SNX29: variants seen among roughly 807,000 people sequenced by gnomAD.
The protein encoded by SNX29 is sorting nexin-29.
A neutral mutation model predicts 102.1 loss-of-function variants in SNX29; 78 were observed. That is an observed-to-expected ratio of 0.76 (90% CI 0.64 to 0.92). The LOEUF (loss-of-function observed/expected upper bound fraction) is 0.92, where lower values mean the gene tolerates loss of function less well. Ranked by LOEUF, SNX29 falls within the 40% of genes least tolerant of loss-of-function variation. The probability of loss-of-function intolerance (pLI) is 0.00; values close to 1 mark genes in which losing one functional copy is unlikely to be tolerated. For missense variants in SNX29, 1,280 were observed against 1,061.7 expected, an observed-to-expected ratio of 1.21 and a Z score of -2.86; for synonymous variants, 580 against 414.5, an observed-to-expected ratio of 1.40 and a Z score of -4.85.
chr16:12,568,965 C>T lies in SNX29; in HGVS notation c.*336C>T, dbSNP rs146543361. The T allele has an allele frequency of 3.4e-3, 1,220 of 363,370 alleles. 14 individuals are homozygous for T. The highest frequency in any genetic ancestry group is 0.023 in the African/African-American group (1,106 of 48,836). 22.5% of individuals were successfully genotyped at this position (363,370 alleles called of 1,614,324 possible). On this transcript the variant is annotated 3_prime_UTR_variant, in exon 21 of 21. Coordinates refer to ENST00000566228, the MANE Select transcript of SNX29 (RefSeq NM_032167.5). ...GGTGGGCACCAGGTCAGGCTGGGTGCGCCATGGTTGAGAGGCAAAGGTGAT... is the reference window on the plus strand; with the variant it reads ...GGTGGGCACCAGGTCAGGCTGGGTGTGCCATGGTTGAGAGGCAAAGGTGAT...
intron 3 of SNX29, among the ~76,000 whole-genome samples, chr16:12,005,218 A>G (rs2056414382): frequency 6.6e-6 from 1 of 152,222 alleles, no homozygotes; most frequent in East Asian, 1.9e-4. Flanking sequence ...TGATTGATCA[A>G]TTTAGTCCTT....
chr16:11,997,480 CTT>C (rs55693728), intron 1 of SNX29, among the ~76,000 whole-genome samples: 46 of 143,968 alleles, frequency 3.2e-4, no homozygotes, highest in Middle Eastern at 3.6e-3. Context: ...TACATTTATA[CTT>C]TTTTTTTTTT....
At chr16:12,106,575 T>C (rs904252377) in intron 11 of SNX29, among the ~76,000 whole-genome samples, 8 of 151,148 alleles carry the variant, frequency 5.3e-5, no homozygotes, top group Non-Finnish European at 1.0e-4. Context: ...CCGGTCTCAA[T>C]TGATCCTCCT....
chr16:12,144,981 AAAGTGCTGGG>A (rs1173236712), intron 13 of SNX29, among the ~76,000 whole-genome samples: 1 of 152,210 alleles, frequency 6.6e-6, no homozygotes, highest in Non-Finnish European at 1.5e-5. Flanking sequence ...TCGGCCTCCC[AAAGTGCTGGG>A]ATTACAGGCG....
chr16:12,329,075 C>G (rs2081214094), intron 15 of SNX29, among the ~76,000 whole-genome samples: 1 of 151,576 alleles, frequency 6.6e-6, no homozygotes, highest in East Asian at 1.9e-4. Flanking sequence ...AGTTCAAGAC[C>G]AGCTTAGGCA....
At chr16:12,110,611 C>T (rs1025906428) in intron 11 of SNX29, among the ~76,000 whole-genome samples, 3 of 152,054 alleles carry the variant, frequency 2.0e-5, no homozygotes, top group African/African-American at 7.2e-5. Context: ...GTTGGGCTTG[C>T]GGTGAGACAA....
chr16:12,508,690 G>A (rs1451364945), intron 19 of SNX29, among the ~76,000 whole-genome samples: 2 of 152,336 alleles, frequency 1.3e-5, no homozygotes, highest in South Asian at 4.1e-4. Flanking sequence ...GGCCATTGCA[G>A]TATGGAATTG....
intron 16 of SNX29, chr16:12,373,810 C>T (rs1469101604): frequency 6.6e-6 from 1 of 152,224 alleles, no homozygotes; most frequent in African/African-American, 2.4e-5. Flanking sequence ...CCCCACAAAC[C>T]ACCAAGGGAC....
At chr16:12,160,947 C>T (rs553479077) in intron 13 of SNX29, among the ~76,000 whole-genome samples, 1 of 152,316 alleles carries the variant, frequency 6.6e-6, no homozygotes, top group South Asian at 2.1e-4. Context: ...GGAGTAGCGA[C>T]TGTATGTGTG....
intron 16 of SNX29, chr16:12,374,521 G>A (rs917541989): frequency 6.6e-6 from 1 of 152,384 alleles, no homozygotes; most frequent in African/African-American, 2.4e-5. Context: ...CTCAGGGTCA[G>A]GTGTTGAATA....
intron 11 of SNX29, among the ~76,000 whole-genome samples, chr16:12,091,850 G>T (rs898392676): frequency 1.3e-5 from 2 of 151,540 alleles, no homozygotes; most frequent in African/African-American, 4.9e-5. Flanking sequence ...ACAGCAAGAA[G>T]GCGCCATCAG....
chr16:12,177,083 G>C (rs2036787), intron 13 of SNX29, among the ~76,000 whole-genome samples: 11,002 of 152,150 alleles, frequency 0.072, 487 homozygotes, highest in East Asian at 0.17. Context: ...GAATAGCAGA[G>C]ACTAGAGGTA....
At chr16:12,565,090 G>T (rs1465563) in intron 20 of SNX29, among the ~76,000 whole-genome samples, 2 of 151,892 alleles carry the variant, frequency 1.3e-5, no homozygotes, top group African/African-American at 4.8e-5. Flanking sequence ...ACATGGGGTC[G>T]TCTTCTCTTC....
chr16:12,257,452 C>T (rs142590013), intron 14 of SNX29, among the ~76,000 whole-genome samples: 2 of 152,180 alleles, frequency 1.3e-5, no homozygotes, highest in African/African-American at 4.8e-5. Context: ...ATATTCACAG[C>T]ATCTTTGGGG....
chr16:12,293,926 G>T (rs185670876), intron 15 of SNX29, among the ~76,000 whole-genome samples: 3 of 152,300 alleles, frequency 2.0e-5, no homozygotes, highest in Non-Finnish European at 4.4e-5. Flanking sequence ...TAGCTACTCT[G>T]TGTGGCGGTA....
chr16:11,999,745 A>T (rs1489274718), intron 2 of SNX29, among the ~76,000 whole-genome samples: 1 of 152,124 alleles, frequency 6.6e-6, no homozygotes, highest in Non-Finnish European at 1.5e-5. Context: ...CTATAAAAAT[A>T]CAAAAATTAG....
rs144438610 is a variant in SNX29 at position 12,264,647 on chromosome 16, T to G, written c.1679-13286T>G. On this transcript the variant is annotated intron_variant, in intron 14 of 20. Transcript: ENST00000566228. ...AAATACAAAAATTAGCCGGACGTGA[T>G]AGCAAGTGCCTGTAGTTCCACCTAC... Among the ~76,000 whole-genome samples the G allele has an allele frequency of 2.4e-4, 37 of 152,074 alleles. No individual in the cohort carries two copies. The East Asian group carries it at 6.8e-3, about 28-fold the overall frequency.
chr16:12,493,749 GC>G (rs1346238731), intron 19 of SNX29, among the ~76,000 whole-genome samples: 1 of 152,054 alleles, frequency 6.6e-6, no homozygotes, highest in African/African-American at 2.4e-5. Context: ...ATGCCACCAC[GC>G]CCAACTAATT....
At position 12,561,833 on chromosome 16, in the gene SNX29, T is replaced by TGCAGGGGAGGGGAG. The variant is rs1429724912; in HGVS notation, c.2319-6668_2319-6655dup. Among the ~76,000 whole-genome samples the TGCAGGGGAGGGGAG allele has an allele frequency of 2.0e-5, 3 of 152,298 alleles. No individual in the cohort carries two copies. The East Asian group carries it at 5.8e-4, about 29-fold the overall frequency. ...TTACCGCAGCTTACATCCTTCTCCC[T>TGCAGGGGAGGGGAG]GCAGGGGAGGGGAGGCAGTGCCCTG... is the stretch of plus-strand genomic sequence containing the variant. On this transcript the variant is annotated intron_variant, in intron 20 of 20. Transcript: ENST00000566228.
Sources: allele counts gnomAD v4.1 joint callset (sites outside exome capture counted in the v4.1 genomes callset), GRCh38; gene constraint gnomAD v4.1.1; transcripts MANE v1.5; gene names NCBI Gene and HGNC (gene_info 2026-07-23, HGNC 2026-07-21).